The following CADPS variants were observed in gnomAD, a reference collection of about 807,000 sequenced individuals.
CADPS encodes the protein calcium dependent secretion activator.
Under a neutral mutation model 167.3 loss-of-function variants are expected in CADPS, and 57 were observed. The observed-to-expected ratio is 0.34, with a 90% CI of 0.28 to 0.42. CADPS has a LOEUF of 0.42. CADPS is among the 20% of genes least tolerant of loss of function. CADPS has a pLI of 1.00. For missense variants in CADPS, 1,414 were observed against 1,738.1 expected, an observed-to-expected ratio of 0.81 and a Z score of 3.32; for synonymous variants, 676 against 635.3, an observed-to-expected ratio of 1.06 and a Z score of -0.96.
At chr3:62,401,042 A>C (rs551397435) in intron 29 of CADPS, among the ~76,000 whole-genome samples, 1 of 152,312 alleles carries the variant, frequency 6.6e-6, no homozygotes, top group African/African-American at 2.4e-5. Flanking sequence ...AATAACAAAA[A>C]AGTAATCTGG....
At chr3:62,488,472 ATTTAT>A (rs1485705071) in intron 21 of CADPS, among the ~76,000 whole-genome samples, 3 of 145,856 alleles carry the variant, frequency 2.1e-5, no homozygotes, top group Non-Finnish European at 3.0e-5. Context: ...TGTTTTTATT[ATTTAT>A]TTATTTATTT....
intron 3 of CADPS, among the ~76,000 whole-genome samples, chr3:62,750,302 G>A (rs2082402188): frequency 8.2e-6 from 1 of 121,586 alleles, no homozygotes; most frequent in South Asian, 2.8e-4. Flanking sequence ...AGTGAGCTAA[G>A]CTTGTGCCAC....
chr3:62,844,289 C>T (rs1048937304), intron 1 of CADPS, among the ~76,000 whole-genome samples: 1 of 152,104 alleles, frequency 6.6e-6, no homozygotes, highest in Non-Finnish European at 1.5e-5. Flanking sequence ...CTTGACTAAA[C>T]TCTAAGGGAA....
intron 3 of CADPS, among the ~76,000 whole-genome samples, chr3:62,703,622 A>G (rs1434234346): frequency 6.6e-6 from 1 of 152,058 alleles, no homozygotes; most frequent in Non-Finnish European, 1.5e-5. Context: ...TGCCCTGAGG[A>G]GGGAGTTAGA....
rs368353277 is a variant in CADPS, at chr3:62,533,014, G to A, written c.2148C>T (p.Cys716=). 2.0e-5 allele frequency: 33 copies of A among 1,613,584 alleles called. No individual in the cohort carries two copies. Among genetic ancestry groups the A allele is most frequent in the Admixed American group, 1.0e-4 (6 of 59,966 alleles). ...GACACCCCCGGACTCCATTTCGGGC[G>A]CAATACTCGTCTAGTACAAACACCT... The part of the protein sequence containing the change: ...PGQVFVLDEY[C]ARNGVRGCHR... Residue 716 remains cysteine, a synonymous_variant, in exon 13 of 30, where the codon TGC becomes TGT. Transcript: ENST00000383710.
intron 3 of CADPS, among the ~76,000 whole-genome samples, chr3:62,666,642 T>A (rs1563576425): frequency 6.6e-6 from 1 of 152,194 alleles, no homozygotes; most frequent in Admixed American, 6.5e-5. Flanking sequence ...TTTTGACTTG[T>A]CAGTCAAGTA....
intron 1 of CADPS, among the ~76,000 whole-genome samples, chr3:62,844,691 G>A (rs2077131011): frequency 6.6e-6 from 1 of 152,196 alleles, no homozygotes; most frequent in African/African-American, 2.4e-5. Flanking sequence ...TCTCAGTGCA[G>A]TAGGTTATTC....
At chr3:62,473,405 G>A (rs1251326341) in intron 24 of CADPS, among the ~76,000 whole-genome samples, 3 of 152,188 alleles carry the variant, frequency 2.0e-5, no homozygotes, top group East Asian at 1.9e-4. Flanking sequence ...GGCTGGTATC[G>A]AAAGATCTGA....
chr3:62,740,028 C>G (rs1290859048), intron 3 of CADPS, among the ~76,000 whole-genome samples: 2 of 152,150 alleles, frequency 1.3e-5, no homozygotes, highest in African/African-American at 4.8e-5. Flanking sequence ...GTGACTTACA[C>G]TAATATATGT....
chr3:62,596,675 G>C (rs1272337434), intron 6 of CADPS, among the ~76,000 whole-genome samples: 2 of 152,102 alleles, frequency 1.3e-5, no homozygotes, highest in African/African-American at 4.8e-5. Context: ...TGTAGTACTA[G>C]AGAACACTAG....
intron 3 of CADPS, among the ~76,000 whole-genome samples, chr3:62,674,473 T>A (rs907008836): frequency 6.6e-6 from 1 of 152,132 alleles, no homozygotes; most frequent in Admixed American, 6.6e-5. Flanking sequence ...TTGTTCAAAG[T>A]CAAAAATATT....
At chr3:62,694,849 A>G (rs1460163312) in intron 3 of CADPS, among the ~76,000 whole-genome samples, 2 of 152,220 alleles carry the variant, frequency 1.3e-5, no homozygotes, top group Admixed American at 1.3e-4. Context: ...CCACCCTAAA[A>G]AAATGGGACT....
intron 11 of CADPS, among the ~76,000 whole-genome samples, chr3:62,538,004 G>C (rs373605418): frequency 1.1e-4 from 16 of 152,160 alleles, no homozygotes; most frequent in African/African-American, 3.9e-4. Context: ...ACGGTTTCCA[G>C]AAGGCAAGTT....
intron 17 of CADPS, among the ~76,000 whole-genome samples, chr3:62,502,056 T>C (rs2065858440): frequency 6.6e-6 from 1 of 152,242 alleles, no homozygotes; most frequent in Admixed American, 6.5e-5. Flanking sequence ...AATTAACCCA[T>C]GTAGCCAGTC....
rs770044318 is a variant in CADPS at position 62,438,389 on chromosome 3, G to A, written c.3670-178C>T. On this transcript the variant is annotated intron_variant, in intron 27 of 29. Transcript: ENST00000383710. This position sits in a 1 kb window ranked among gnomAD's most constrained non-coding sequence, Gnocchi z 4.7. ...GCTGGTAGGAATTGATATTAGAACT[G>A]CTTCCTCTTTCCAGAAATCAAGCCT... 1 of 533,040 alleles carries A rather than the reference G, an allele frequency of 1.9e-6. No individual in the cohort carries two copies. The highest frequency in any genetic ancestry group is 3.4e-6 in the Non-Finnish European group (1 of 297,580). 33.0% of individuals were successfully genotyped at this position (533,040 alleles called of 1,614,324 possible).
intron 22 of CADPS, among the ~76,000 whole-genome samples, chr3:62,480,939 C>T (rs897176818): frequency 2.0e-5 from 3 of 152,206 alleles, no homozygotes; most frequent in African/African-American, 7.2e-5. Context: ...TCTCAACCCT[C>T]ACTCCCCCAA....
chr3:62,512,772 T>C lies in CADPS; in HGVS notation c.2582-4A>G. 6.2e-7 allele frequency: 1 copy of C among 1,604,670 alleles called. No individual in the cohort carries two copies. The highest frequency in any genetic ancestry group is 8.5e-7 in the Non-Finnish European group (1 of 1,173,730). ...TCACCTGCATCCTTTTGATTCTCTATTTGAAAGAGAGAGCACAACAAGGAG... is the reference window on the plus strand; with the variant it reads ...TCACCTGCATCCTTTTGATTCTCTACTTGAAAGAGAGAGCACAACAAGGAG... On this transcript the variant is annotated splice_region_variant and splice_polypyrimidine_tract_variant and intron_variant, in intron 16 of 29. Coordinates refer to ENST00000383710, the MANE Select transcript of CADPS (RefSeq NM_003716.4).
Position 62,493,592 on chromosome 3 carries a change from G to A in CADPS, c.2727+53C>T, listed in dbSNP as rs979817251. 20 of 1,412,814 alleles carry A rather than the reference G, an allele frequency of 1.4e-5. No individual in the cohort carries two copies. In the Middle Eastern group the frequency reaches 7.0e-4, roughly 49 times the overall value. The allele number at this position is 1,412,814 out of a possible 1,614,324, so 87.5% of individuals were successfully genotyped here. ...AGAGGGATATTCTAACAGCCACTAGGAGGCAGAATAGGGGTCCACCTCTCT... is the reference window on the plus strand; with the variant it reads ...AGAGGGATATTCTAACAGCCACTAGAAGGCAGAATAGGGGTCCACCTCTCT... On this transcript the variant is annotated intron_variant, in intron 19 of 29. Coordinates refer to ENST00000383710, the MANE Select transcript of CADPS (RefSeq NM_003716.4).
chr3:62,803,429 T>G (rs925419369), intron 1 of CADPS, among the ~76,000 whole-genome samples: 13 of 151,956 alleles, frequency 8.6e-5, no homozygotes, highest in African/African-American at 2.9e-4. Context: ...CTGGACATAT[T>G]TTTTAGCTGT....
Sources: allele counts gnomAD v4.1 joint callset (sites outside exome capture counted in the v4.1 genomes callset), GRCh38; gene constraint gnomAD v4.1.1; non-coding constraint Gnocchi (gnomAD v3.1); transcripts MANE v1.5; gene names NCBI Gene and HGNC (gene_info 2026-07-23, HGNC 2026-07-21).